BMPR1B: variants seen among roughly 807,000 people sequenced by gnomAD.
BMPR1B encodes bone morphogenetic protein receptor type-1B.
In BMPR1B, 12 loss-of-function variants were observed where a neutral mutation model predicts 59.1. The observed-to-expected ratio is 0.20, with a 90% confidence interval of 0.13 to 0.33. The LOEUF is 0.33. Among genes scored for constraint, BMPR1B ranks in the 10% least tolerant of loss-of-function variants. The pLI is 1.00. For synonymous variants in BMPR1B, 237 were observed against 207.3 expected, an observed-to-expected ratio of 1.14 and a Z score of -1.23; for missense variants, 550 against 610.9, an observed-to-expected ratio of 0.90 and a Z score of 1.05.
At chr4:95,138,756 A>G (rs537868404) in intron 10 of BMPR1B, among the ~76,000 whole-genome samples, 2 of 152,300 alleles carry the variant, frequency 1.3e-5, no homozygotes, top group African/African-American at 4.8e-5. Flanking sequence ...TTTCAGCTCC[A>G]TCAAGTCATT....
At chr4:95,142,772 A>C (rs973806792) in intron 10 of BMPR1B, among the ~76,000 whole-genome samples, 2 of 150,070 alleles carry the variant, frequency 1.3e-5, no homozygotes. Flanking sequence ...TTTATGGTAC[A>C]GTGGGGAAAG....
rs907630975 is a variant in BMPR1B, at chr4:95,030,937, C to T, written c.-18+34803C>T. Among the ~76,000 whole-genome samples, 86 of 152,038 alleles carry T rather than the reference C, an allele frequency of 5.7e-4. 1 individual carries two copies. Among genetic ancestry groups the T allele is most frequent in the Non-Finnish European group, 1.1e-3 (72 of 67,998 alleles). On this transcript the variant is annotated intron_variant, in intron 3 of 12. Transcript: ENST00000515059. ...GAAGAATCAGTATCGTGAAAATGGCCATACTGCCCAAGGTAATTTATAGAT... is the reference window on the plus strand; with the variant it reads ...GAAGAATCAGTATCGTGAAAATGGCTATACTGCCCAAGGTAATTTATAGAT...
chr4:94,896,155 G>A (rs6532515), intron 2 of BMPR1B, among the ~76,000 whole-genome samples: 94,270 of 151,808 alleles, frequency 0.62, 31,125 homozygotes, highest in African/African-American at 0.85. Context: ...CTCAAAGGGT[G>A]AAAATGAATA....
intron 1 of BMPR1B, among the ~76,000 whole-genome samples, chr4:94,845,821 A>G (rs1725302283): frequency 6.6e-6 from 1 of 152,190 alleles, no homozygotes; most frequent in African/African-American, 2.4e-5. Context: ...TAGTCTATTT[A>G]TATGTATCCT....
chr4:95,055,561 G>T (rs1353315704), intron 3 of BMPR1B, among the ~76,000 whole-genome samples: 6 of 152,134 alleles, frequency 3.9e-5, no homozygotes, highest in African/African-American at 1.4e-4. Context: ...TTAATCTCAG[G>T]CTATTAATCG....
At chr4:94,835,561 G>C (rs1482363920) in intron 1 of BMPR1B, among the ~76,000 whole-genome samples, 2 of 152,138 alleles carry the variant, frequency 1.3e-5, no homozygotes, top group Admixed American at 1.3e-4. Context: ...TTACACTGCA[G>C]TGACAGTCTC....
chr4:94,815,989 T>C (rs1013482893), intron 1 of BMPR1B, among the ~76,000 whole-genome samples: 22 of 152,166 alleles, frequency 1.4e-4, no homozygotes, highest in Non-Finnish European at 2.6e-4. Context: ...TAGACTGTAG[T>C]CTATGTGATG....
At chr4:94,793,621 T>G (rs1348051209) in intron 1 of BMPR1B, among the ~76,000 whole-genome samples, 23 of 147,640 alleles carry the variant, frequency 1.6e-4, no homozygotes, top group South Asian at 2.3e-4. Context: ...TGAACTAGTT[T>G]ACAGTCCCAC....
chr4:94,818,417 TC>T (rs1453945344), intron 1 of BMPR1B, among the ~76,000 whole-genome samples: 1 of 152,202 alleles, frequency 6.6e-6, no homozygotes, highest in Non-Finnish European at 1.5e-5. Flanking sequence ...TAAGTATCTT[TC>T]TGAGGGTTAC....
chr4:95,130,592 A>G (rs1044038922), intron 9 of BMPR1B, among the ~76,000 whole-genome samples: 4 of 152,124 alleles, frequency 2.6e-5, no homozygotes, highest in Non-Finnish European at 5.9e-5. Context: ...AGTAGTTTAT[A>G]TACCATAGTA....
intron 3 of BMPR1B, among the ~76,000 whole-genome samples, chr4:95,085,759 A>G (rs960465536): frequency 1.3e-5 from 2 of 152,134 alleles, no homozygotes; most frequent in African/African-American, 4.8e-5. Context: ...TGTTTTGTGC[A>G]TTAGCTTTTT....
chr4:95,020,317 C>T (rs541403195), intron 3 of BMPR1B, among the ~76,000 whole-genome samples: 7 of 152,288 alleles, frequency 4.6e-5, no homozygotes, highest in East Asian at 3.9e-4. Context: ...CAGTGGCTTA[C>T]GCCTGTAATC....
intron 2 of BMPR1B, among the ~76,000 whole-genome samples, chr4:94,955,637 C>CTTATTTTT (rs1553921395): frequency 2.0e-5 from 3 of 148,232 alleles, no homozygotes; most frequent in Non-Finnish European, 4.5e-5. Context: ...ACATTTAATT[C>CTTATTTTT]TTTTTTTTTA....
At chr4:95,051,627 C>T in intron 3 of BMPR1B, 1 of 1,404,816 alleles carries the variant, frequency 7.1e-7, no homozygotes, top group South Asian at 1.3e-5. Flanking sequence ...GCAGAGGCGT[C>T]TCAGTGAAAG....
intron 1 of BMPR1B, among the ~76,000 whole-genome samples, chr4:94,846,748 A>G (rs1425798785): frequency 1.3e-5 from 2 of 150,660 alleles, no homozygotes; most frequent in African/African-American, 4.9e-5. Context: ...TATCCATTCC[A>G]TTAGTTCTGT....
intron 2 of BMPR1B, among the ~76,000 whole-genome samples, chr4:94,896,717 A>G (rs1727600761): frequency 6.6e-6 from 1 of 152,028 alleles, no homozygotes; most frequent in African/African-American, 2.4e-5. Flanking sequence ...TGTTCCTAAA[A>G]GTGAAAATAC....
intron 1 of BMPR1B, among the ~76,000 whole-genome samples, chr4:94,839,973 T>C (rs1724987905): frequency 6.6e-6 from 1 of 150,398 alleles, no homozygotes; most frequent in Non-Finnish European, 1.5e-5. Context: ...CAAAAATCTC[T>C]CAGCATTTGC....
At chr4:94,944,102 T>A (rs1446107992) in intron 2 of BMPR1B, among the ~76,000 whole-genome samples, 2 of 152,146 alleles carry the variant, frequency 1.3e-5, no homozygotes, top group African/African-American at 2.4e-5. Flanking sequence ...ATGTATAAGG[T>A]ATATATGAAA....
chr4:94,898,020 C>T (rs1727656659), intron 2 of BMPR1B, among the ~76,000 whole-genome samples: 1 of 142,610 alleles, frequency 7.0e-6, no homozygotes, highest in Admixed American at 7.4e-5. Flanking sequence ...AGTCATGGCT[C>T]ACTGCAACCT....
Sources: allele counts gnomAD v4.1 joint callset (sites outside exome capture counted in the v4.1 genomes callset), GRCh38; gene constraint gnomAD v4.1.1; transcripts MANE v1.5; gene names NCBI Gene and HGNC (gene_info 2026-07-23, HGNC 2026-07-21).